Variants in PTPN23 observed in about 807,000 individuals in gnomAD.
The protein encoded by PTPN23 is tyrosine-protein phosphatase non-receptor type 23.
In PTPN23, 72 loss-of-function variants were observed where a neutral mutation model predicts 156.3. That is an observed-to-expected ratio of 0.46 (90% confidence interval 0.38 to 0.56). PTPN23 has a LOEUF of 0.56. PTPN23 is among the 20% of genes least tolerant of loss of function. PTPN23 has a pLI of 0.00. For missense variants in PTPN23, 1,974 were observed against 2,171.5 expected (o/e 0.91, Z 1.81); for synonymous variants, 957 against 899.6 (o/e 1.06, Z -1.14).
intron 1 of PTPN23, among the ~76,000 whole-genome samples, chr3:47,382,241 G>T (rs572228901): frequency 1.3e-5 from 2 of 152,152 alleles, no homozygotes; most frequent in African/African-American, 4.8e-5. Context: ...GGAAATGAGG[G>T]TAATTGATCC....
chr3:47,398,859 C>G (rs1181970315), intron 2 of PTPN23, among the ~76,000 whole-genome samples: 1 of 152,256 alleles, frequency 6.6e-6, no homozygotes, highest in Non-Finnish European at 1.5e-5. Context: ...GCCGCAGCAC[C>G]CGGCCTTGTA....
chr3:47,381,301 G>C (rs1277940848), intron 1 of PTPN23, 121 bp downstream of exon 1: 1 of 1,369,848 alleles, frequency 7.3e-7, no homozygotes, highest in African/African-American at 1.4e-5. Flanking sequence ...GGTGAGGCCA[G>C]GAGGGGCCTT....
At chr3:47,399,713 A>AG in intron 2 of PTPN23, among the ~76,000 whole-genome samples, 1 of 152,216 alleles carries the variant, frequency 6.6e-6, no homozygotes, top group Non-Finnish European at 1.5e-5. Context: ...GTGCTTTTCC[A>AG]GTGCGAAAAA....
chr3:47,407,873 C>T lies in PTPN23; in HGVS notation c.1119-17C>T, dbSNP rs1255160891. The stretch of plus-strand genomic sequence containing the variant: ...TTGAGATGTGGGTCTTCAGCAAATG[C>T]TCTGTCGCTTCTGCAGTGAGGAGAA... On this transcript the variant is annotated splice_polypyrimidine_tract_variant and intron_variant, in intron 13 of 24. Coordinates refer to ENST00000265562, the MANE Select transcript of PTPN23 (RefSeq NM_015466.4). This position sits in a 1 kb window ranked among gnomAD's most constrained non-coding sequence, Gnocchi z 4.0. 4 of 1,613,914 alleles carry T rather than the reference C, an allele frequency of 2.5e-6. No individual in the cohort carries two copies. The Admixed American group carries it at 5.0e-5, about 20-fold the overall frequency.
At position 47,411,903 on chromosome 3, in the gene PTPN23, C is replaced by G. The variant is rs535871536; in HGVS notation, c.4009C>G (p.Gln1337Glu). The change falls in exon 21 of 25, where the codon CAG becomes GAG. Residue 1337 changes from glutamine (Q) to glutamate (E), a missense_variant. Physicochemically the swap from Gln to Glu is conservative, Grantham distance 29. Around this residue, in one of 4 missense-constraint regions of PTPN23, gnomAD observed 484 missense variants for 516.0 expected, o/e 0.94. Coordinates refer to ENST00000265562, the MANE Select transcript of PTPN23 (RefSeq NM_015466.4). The surrounding 1 kb of genome is among the most constrained non-coding windows in gnomAD (Gnocchi z 6.3). Reference sequence around the variant, plus strand: ...CCATGTGGAGCGCGTGCTGAGCCTGCAGTTCCGAGACCAGAGCCTCAAGCG... The same window carrying G: ...CCATGTGGAGCGCGTGCTGAGCCTGGAGTTCCGAGACCAGAGCCTCAAGCG... The part of the protein sequence containing the change: ...ETHVERVLSL[Q>E]FRDQSLKRSL... The G allele has an allele frequency of 1.9e-6, 3 of 1,613,480 alleles. No individual in the cohort carries two copies. Among genetic ancestry groups the G allele is most frequent in the Non-Finnish European group, 1.7e-6 (2 of 1,180,008 alleles).
At position 47,412,875 on chromosome 3, in the gene PTPN23, T is replaced by C. The variant is rs773223257; in HGVS notation, c.4601T>C (p.Leu1534Pro). Reference sequence around the variant, plus strand: ...CCCCCAGGCCTCCCGCCAGCCAGCCTCCCAGAGTCTACCCCAATCCCATCT... The same window carrying C: ...CCCCCAGGCCTCCCGCCAGCCAGCCCCCCAGAGTCTACCCCAATCCCATCT... ...AEPPGLPPAS[L>P]PESTPIPSSS... Residue 1534 changes from leucine (L) to proline (P), a missense_variant, in exon 25 of 25, where the codon CTC becomes CCC. Coordinates refer to ENST00000265562, the MANE Select transcript of PTPN23 (RefSeq NM_015466.4). 1.4e-5 allele frequency: 22 copies of C among 1,611,970 alleles called. 2 individuals carry two copies. In the South Asian group the frequency reaches 2.0e-4, roughly 14 times the overall value.
At chr3:47,408,601 G>A in intron 15 of PTPN23, 111 bp downstream of exon 15, 2 of 1,480,150 alleles carry the variant, frequency 1.4e-6, no homozygotes, top group South Asian at 2.7e-5. Flanking sequence ...CTAGGCCCTG[G>A]CTTGGGCATC....
At position 47,410,795 on chromosome 3, in the gene PTPN23, C is replaced by T; in HGVS notation, c.2997C>T (p.Pro999=). The T allele has an allele frequency of 3.1e-6, 5 of 1,590,108 alleles. No individual in the cohort carries two copies. The highest frequency in any genetic ancestry group is 4.3e-6 in the Non-Finnish European group (5 of 1,162,268). ...TCCTACCCCCACAATCCCCCTACCCCTATGCCCCTCAGCCTGGGGTCCTGG... is the reference window on the plus strand; with the variant it reads ...TCCTACCCCCACAATCCCCCTACCCTTATGCCCCTCAGCCTGGGGTCCTGG... The part of the protein sequence containing the change: ...PGLLPPQSPY[P]YAPQPGVLGQ... Residue 999 remains proline (P), a synonymous_variant, in exon 20 of 25, where the codon CCC becomes CCT. Transcript: ENST00000265562.
Position 47,406,540 on chromosome 3 carries a change from G to C in PTPN23, c.687G>C (p.Leu229=), listed in dbSNP as rs761955366. ...TGGAGAACCCCGACACTGCCTCACTGCTGGGCCGGATCCAGAAGGACTGGA... is the reference window on the plus strand; with the variant it reads ...TGGAGAACCCCGACACTGCCTCACTCCTGGGCCGGATCCAGAAGGACTGGA... The part of the protein sequence containing the change: ...RALENPDTAS[L]LGRIQKDWKK... Residue 229 remains leucine, a synonymous_variant, in exon 8 of 25, where the codon CTG becomes CTC. Transcript: ENST00000265562. The surrounding 1 kb of genome is among the most constrained non-coding windows in gnomAD (Gnocchi z 5.8). 1 of 1,614,028 alleles carries C rather than the reference G, an allele frequency of 6.2e-7. No homozygotes were observed. The highest frequency in any genetic ancestry group is 1.7e-5 in the Admixed American group (1 of 60,030).
chr3:47,402,074 CCT>C (rs1705005905), intron 2 of PTPN23, among the ~76,000 whole-genome samples: 1 of 152,182 alleles, frequency 6.6e-6, no homozygotes, highest in African/African-American at 2.4e-5. Flanking sequence ...AAGCCATCCC[CCT>C]CACTGTGCAC....
intron 1 of PTPN23, among the ~76,000 whole-genome samples, chr3:47,384,529 G>A (rs1704616247): frequency 6.6e-6 from 1 of 151,432 alleles, no homozygotes; most frequent in South Asian, 2.1e-4. Flanking sequence ...GGGCCATCAG[G>A]GAAGGCTTGC....
In PTPN23 at chr3:47,409,980, C is replaced by A; in HGVS notation, c.2182C>A (p.Pro728Thr). ...PRPTAPKPLL[P>T]RREESEAVEA... ...GCCCACAGCCCCAAAGCCGCTGCTG[C>A]CCCGCAGGGAGGAGAGTGAGGCAGT... The change falls in exon 20 of 25, where the codon CCC (proline) becomes ACC (threonine). Residue 728 changes from proline to threonine, a missense_variant. Coordinates refer to ENST00000265562, the MANE Select transcript of PTPN23 (RefSeq NM_015466.4). 1 of 1,590,452 alleles carries A rather than the reference C, an allele frequency of 6.3e-7. No homozygotes were observed.
In PTPN23 at chr3:47,411,554, C is replaced by T. The variant is rs749718894; in HGVS notation, c.3756C>T (p.Leu1252=). ...DYINASCVEG[L]SPYCPPLVAT... Reference sequence around the variant, plus strand: ...TCAATGCCAGCTGCGTGGAGGGGCTCTCCCCATACTGCCCCCCGCTAGTGG... The same window carrying T: ...TCAATGCCAGCTGCGTGGAGGGGCTTTCCCCATACTGCCCCCCGCTAGTGG... The change falls in exon 20 of 25, where the codon CTC becomes CTT. Residue 1252 remains leucine (L), a synonymous_variant. Coordinates refer to ENST00000265562, the MANE Select transcript of PTPN23 (RefSeq NM_015466.4). The surrounding 1 kb of genome is among the most constrained non-coding windows in gnomAD (Gnocchi z 6.3). 6 of 1,612,672 alleles carry T rather than the reference C, an allele frequency of 3.7e-6. No homozygotes were observed. The highest frequency in any genetic ancestry group is 3.3e-5 in the South Asian group (3 of 91,086).
At chr3:47,382,298 T>C (rs1473264800) in intron 1 of PTPN23, among the ~76,000 whole-genome samples, 1 of 152,008 alleles carries the variant, frequency 6.6e-6, no homozygotes, top group Non-Finnish European at 1.5e-5. Flanking sequence ...TGCTCTCTTC[T>C]TCATCTGCTG....
Position 47,409,805 on chromosome 3 carries a change from C to T in PTPN23, c.2100C>T (p.Arg700=), listed in dbSNP as rs780247179. 24 of 1,608,968 alleles carry T rather than the reference C, an allele frequency of 1.5e-5. No individual in the cohort carries two copies. In the Admixed American group the frequency reaches 2.3e-4, roughly 16 times the overall value. Residue 700 remains arginine, a synonymous_variant, in exon 19 of 25, where the codon CGC becomes CGT. Coordinates refer to ENST00000265562, the MANE Select transcript of PTPN23 (RefSeq NM_015466.4). The part of the protein sequence containing the change: ...LERTQSTCQA[R]EAARQQLLDR... ...GCACGCAGTCCACCTGCCAGGCCCG[C>T]GAGGCTGCCCGCCAGCAGCTCCTGG...
At position 47,396,125 on chromosome 3, in the gene PTPN23, GTTC is replaced by G. The variant is rs1472395416; in HGVS notation, c.85-13_85-11del. 6.2e-7 allele frequency: 1 copy of G among 1,607,092 alleles called. No individual in the cohort carries two copies. Among genetic ancestry groups the G allele is most frequent in the East Asian group, 2.2e-5 (1 of 44,784 alleles). On this transcript the variant is annotated splice_polypyrimidine_tract_variant and intron_variant, in intron 1 of 24. Transcript: ENST00000265562. Reference sequence around the variant, plus strand: ...GGGGTCTTCTCTGCCACTGGCTTATGTTCTTCTCTCTCTGTAGTTTGTCCTGAA... The same window carrying G: ...GGGGTCTTCTCTGCCACTGGCTTATGTTCTCTCTCTGTAGTTTGTCCTGAA...
chr3:47,406,163 C>T lies in PTPN23; in HGVS notation c.546+117C>T. 5 of 1,504,668 alleles carry T rather than the reference C, an allele frequency of 3.3e-6. No homozygotes were observed. The highest frequency in any genetic ancestry group is 1.2e-5 in the South Asian group (1 of 80,366). The allele number at this position is 1,504,668 out of a possible 1,614,324, so 93.2% of individuals were successfully genotyped here. A position where few individuals can be genotyped will look rare whatever the true frequency, so the allele number is the denominator to read the frequency against. ...GTGAGGGACAAGCAAGGGGCCTTGGCTTTGTTGAATCAGGAGCACCGTGGT... is the reference window on the plus strand; with the variant it reads ...GTGAGGGACAAGCAAGGGGCCTTGGTTTTGTTGAATCAGGAGCACCGTGGT... On this transcript the variant is annotated intron_variant, in intron 6 of 24. Coordinates refer to ENST00000265562, the MANE Select transcript of PTPN23 (RefSeq NM_015466.4). This position sits in a 1 kb window ranked among gnomAD's most constrained non-coding sequence, Gnocchi z 5.8.
At chr3:47,404,080 A>C (rs909131260) in intron 2 of PTPN23, among the ~76,000 whole-genome samples, 2 of 152,142 alleles carry the variant, frequency 1.3e-5, no homozygotes, top group Non-Finnish European at 2.9e-5. Flanking sequence ...AATTCAAAAA[A>C]CTGTGGGCCA....
Position 47,407,519 on chromosome 3 carries a change from A to G in PTPN23, c.938A>G (p.Lys313Arg), listed in dbSNP as rs887714355. 1 of 1,614,068 alleles carries G rather than the reference A, an allele frequency of 6.2e-7. No homozygotes were observed. The highest frequency in any genetic ancestry group is 1.1e-5 in the South Asian group (1 of 91,078). ...DVIGGKYNSA[K>R]KDNDFIYHEA... ...CTGATCCCCAGGTACAATTCTGCCA[A>G]GAAGGACAACGACTTCATTTACCAT... The change falls in exon 12 of 25, where the codon AAG becomes AGG. Residue 313 changes from lysine (K) to arginine (R), a missense_variant. By Grantham distance (26) the Lys-to-Arg change is conservative. This residue lies in a region of PTPN23 where 726 missense variants were observed against 929.5 expected (regional missense o/e 0.78). Coordinates refer to ENST00000265562, the MANE Select transcript of PTPN23 (RefSeq NM_015466.4). This position sits in a 1 kb window ranked among gnomAD's most constrained non-coding sequence, Gnocchi z 4.0.
Sources: allele counts gnomAD v4.1 joint callset (sites outside exome capture counted in the v4.1 genomes callset), GRCh38; gene constraint gnomAD v4.1.1; regional missense constraint gnomAD v4.1.1; non-coding constraint Gnocchi (gnomAD v3.1); transcripts MANE v1.5; gene names NCBI Gene and HGNC (gene_info 2026-07-23, HGNC 2026-07-21).